TRDMT1: variants seen among roughly 807,000 people sequenced by gnomAD.
TRDMT1 encodes the protein tRNA (cytosine(38)-C(5))-methyltransferase.
Under a neutral mutation model 51.2 loss-of-function variants are expected in TRDMT1, and 49 were observed. The ratio of observed to expected loss-of-function variants is 0.96; its 90% CI spans 0.76 to 1.21. The LOEUF (loss-of-function observed/expected upper bound fraction) is 1.21. TRDMT1 is among the 50% of genes most tolerant of loss of function. The pLI, the probability that TRDMT1 is intolerant of heterozygous loss-of-function variation, is 0.00. For missense variants in TRDMT1, 534 were observed against 462.3 expected (o/e 1.16, Z -1.42); for synonymous variants, 187 against 164.6 (o/e 1.14, Z -1.04).
chr10:17,158,047 CAG>C lies in TRDMT1; in HGVS notation c.544-265_544-264del, dbSNP rs544317264. On this transcript the variant is annotated intron_variant, in intron 7 of 10. Coordinates refer to ENST00000377799, the MANE Select transcript of TRDMT1 (RefSeq NM_004412.7). ...TTAATAAAAACATTCAATAAACTAA[CAG>C]AAAGTATATACTGAATATAGATAAA... is the stretch of plus-strand genomic sequence containing the variant. 2.8e-3 allele frequency among the ~76,000 whole-genome samples: 421 copies of C among 152,060 alleles called. 1 individual carries two copies. Among genetic ancestry groups the C allele is most frequent in the Middle Eastern group, 0.01 (3 of 292 alleles).
At chr10:17,176,154 A>C (rs1414264152) in intron 1 of TRDMT1, among the ~76,000 whole-genome samples, 1 of 152,230 alleles carries the variant, frequency 6.6e-6, no homozygotes, top group Admixed American at 6.6e-5. Context: ...ATCATAATTC[A>C]AGTCAAGAAT....
chr10:17,157,321 C>A (rs746786400), intron 8 of TRDMT1, 120 bp downstream of exon 8: 1 of 995,746 alleles, frequency 1.0e-6, no homozygotes, highest in Non-Finnish European at 1.4e-6. Flanking sequence ...AGGGAAAATA[C>A]CTCATTCTAG....
At position 17,192,053 on chromosome 10, in the gene TRDMT1, G is replaced by A. The variant is rs537382876; in HGVS notation, c.64+9518C>T. Among the ~76,000 whole-genome samples the A allele has an allele frequency of 3.9e-5, 6 of 152,282 alleles. No individual in the cohort carries two copies. The East Asian group carries it at 1.2e-3, about 29-fold the overall frequency. ...AGCAGCCCCAGGCCAGGAGGCAGGT[G>A]GGGCCAAGCAAATCCGGGCAGCGCA... On this transcript the variant is annotated intron_variant, in intron 1 of 10. Transcript: ENST00000377799.
rs775174448 is a variant in TRDMT1, at chr10:17,144,941, C to T, written c.*4099G>A. ...AAGAACATGTGCAAGATGCTTAATG[C>T]CTTTTTAAAAAACATGCAAAGGGAG... On this transcript the variant is annotated 3_prime_UTR_variant, in exon 11 of 11. Transcript: ENST00000377799. 72 of 985,204 alleles carry T rather than the reference C, an allele frequency of 7.3e-5. No individual in the cohort carries two copies. The Middle Eastern group carries it at 1.6e-3, about 21-fold the overall frequency. The allele number at this position is 985,204 out of a possible 1,614,324, so 61.0% of individuals were successfully genotyped here.
At chr10:17,196,461 G>A (rs1352651099) in intron 1 of TRDMT1, among the ~76,000 whole-genome samples, 1 of 152,152 alleles carries the variant, frequency 6.6e-6, no homozygotes, top group Non-Finnish European at 1.5e-5. Context: ...TATATTTGCA[G>A]GTGACCTTGC....
Position 17,143,235 on chromosome 10 carries a change from T to A in TRDMT1, c.*5805A>T. 1 of 985,466 alleles carries A rather than the reference T, an allele frequency of 1.0e-6. No homozygotes were observed. The highest frequency in any genetic ancestry group is 1.2e-6 in the Non-Finnish European group (1 of 829,938). 61.0% of individuals were successfully genotyped at this position (985,466 alleles called of 1,614,324 possible). On this transcript the variant is annotated 3_prime_UTR_variant, in exon 11 of 11. Coordinates refer to ENST00000377799, the MANE Select transcript of TRDMT1 (RefSeq NM_004412.7). ...CAGTATGGTTCCTACATTCACTCAT[T>A]CAACAACTATTTATTGAGTGCTTAC... is the stretch of plus-strand genomic sequence containing the variant.
chr10:17,159,078 T>G (rs1465837494), intron 7 of TRDMT1, 68 bp downstream of exon 7: 2 of 1,070,628 alleles, frequency 1.9e-6, no homozygotes, highest in African/African-American at 1.6e-5. Flanking sequence ...TGAAAATAAA[T>G]TAGCAGACTA....
chr10:17,153,359 G>T, intron 10 of TRDMT1, 148 bp downstream of exon 10: 2 of 878,074 alleles, frequency 2.3e-6, no homozygotes, highest in South Asian at 3.6e-5. Flanking sequence ...GGGGAAAGAG[G>T]GCAGAAAGAT....
chr10:17,151,851 A>G lies in TRDMT1; in HGVS notation c.1075+1656T>C, dbSNP rs558199540. The stretch of plus-strand genomic sequence containing the variant: ...CTCATTTAACTATCACAATAACTCT[A>G]TGAAGCAGGAGTTATGATCATCCTC... On this transcript the variant is annotated intron_variant, in intron 10 of 10. Coordinates refer to ENST00000377799, the MANE Select transcript of TRDMT1 (RefSeq NM_004412.7). 7.3e-6 allele frequency: 7 copies of G among 952,818 alleles called. No homozygotes were observed. The South Asian group carries it at 1.5e-4, about 21-fold the overall frequency. 59.0% of individuals were successfully genotyped at this position (952,818 alleles called of 1,614,324 possible).
At chr10:17,178,529 AGCCAGG>A (rs1421291581) in intron 1 of TRDMT1, among the ~76,000 whole-genome samples, 1 of 152,062 alleles carries the variant, frequency 6.6e-6, no homozygotes, top group Admixed American at 6.5e-5. Context: ...TACAAAAATT[AGCCAGG>A]CATGGTGGCA....
Position 17,141,309 on chromosome 10 carries a change from G to GCC in TRDMT1, c.*7730_*7731insGG, listed in dbSNP as rs1425624653. Among the ~76,000 whole-genome samples, 233 of 152,196 alleles carry GCC rather than the reference G, an allele frequency of 1.5e-3. 1 individual carries two copies. The highest frequency in any genetic ancestry group is 5.3e-3 in the African/African-American group (221 of 41,532). ...CCCGAGTAGCTGGGACTACAGGCAT[G>GCC]CACCACCATGCCCGGCTAATTTTTT... On this transcript the variant is annotated 3_prime_UTR_variant, in exon 11 of 11. Coordinates refer to ENST00000377799, the MANE Select transcript of TRDMT1 (RefSeq NM_004412.7).
chr10:17,193,755 G>A (rs2131614324), intron 1 of TRDMT1, among the ~76,000 whole-genome samples: 1 of 152,218 alleles, frequency 6.6e-6, no homozygotes, highest in South Asian at 2.1e-4. Flanking sequence ...TACAGATTCA[G>A]TGCTATTCCT....
At position 17,146,059 on chromosome 10, in the gene TRDMT1, A is replaced by G. The variant is rs1838081607; in HGVS notation, c.*2981T>C. ...CTGCACTCATCTCTAACCCCATCCA[A>G]TTTTACATCCCACATGGTAGCAATA... On this transcript the variant is annotated 3_prime_UTR_variant, in exon 11 of 11. Transcript: ENST00000377799. 1 of 985,180 alleles carries G rather than the reference A, an allele frequency of 1.0e-6. No individual in the cohort carries two copies. The highest frequency in any genetic ancestry group is 1.2e-6 in the Non-Finnish European group (1 of 829,904). 61.0% of individuals were successfully genotyped at this position (985,180 alleles called of 1,614,324 possible).
Position 17,174,736 on chromosome 10 carries a change from T to G in TRDMT1, c.65-76A>C, listed in dbSNP as rs1204520389. 3.6e-6 allele frequency: 4 copies of G among 1,108,970 alleles called. No individual in the cohort carries two copies. In the East Asian group the frequency reaches 9.6e-5, roughly 27 times the overall value. The allele number at this position is 1,108,970 out of a possible 1,614,324, so 68.7% of individuals were successfully genotyped here. A position where few individuals can be genotyped will look rare whatever the true frequency, so the allele number is the denominator to read the frequency against. Reference sequence around the variant, plus strand: ...TAGAAAGAAATCAAAATAGCAGAATTTAGTAATCCATTTCCTTATTTCTTC... The same window carrying G: ...TAGAAAGAAATCAAAATAGCAGAATGTAGTAATCCATTTCCTTATTTCTTC... On this transcript the variant is annotated intron_variant, in intron 1 of 10. Transcript: ENST00000377799.
At chr10:17,186,236 C>T (rs1419143107) in intron 1 of TRDMT1, among the ~76,000 whole-genome samples, 1 of 151,928 alleles carries the variant, frequency 6.6e-6, no homozygotes, top group African/African-American at 2.4e-5. Flanking sequence ...AAATAATAAT[C>T]CCCAAAGATA....
At chr10:17,199,777 G>C (rs899983259) in intron 1 of TRDMT1, among the ~76,000 whole-genome samples, 6 of 152,202 alleles carry the variant, frequency 3.9e-5, no homozygotes, top group Non-Finnish European at 8.8e-5. Context: ...AAGGAGAGAA[G>C]CTGGGAAGCT....
At position 17,143,950 on chromosome 10, in the gene TRDMT1, T is replaced by C; in HGVS notation, c.*5090A>G. 1 of 985,428 alleles carries C rather than the reference T, an allele frequency of 1.0e-6. No homozygotes were observed. Among genetic ancestry groups the C allele is most frequent in the Non-Finnish European group, 1.2e-6 (1 of 829,940 alleles). 61.0% of individuals were successfully genotyped at this position (985,428 alleles called of 1,614,324 possible). Reference sequence around the variant, plus strand: ...ATCCGATACAACTTGAATAGCAAGATATCCAAGTTAAAAATGTCCCAGCAT... The same window carrying C: ...ATCCGATACAACTTGAATAGCAAGACATCCAAGTTAAAAATGTCCCAGCAT... On this transcript the variant is annotated 3_prime_UTR_variant, in exon 11 of 11. Coordinates refer to ENST00000377799, the MANE Select transcript of TRDMT1 (RefSeq NM_004412.7).
chr10:17,157,768 G>C lies in TRDMT1; in HGVS notation c.560C>G (p.Pro187Arg), dbSNP rs1588520112. 6.3e-7 allele frequency: 1 copy of C among 1,593,974 alleles called. No homozygotes were observed. Among genetic ancestry groups the C allele is most frequent in the Non-Finnish European group, 8.5e-7 (1 of 1,171,642 alleles). Residue 187 changes from proline to arginine, a missense_variant, in exon 8 of 11, where the codon CCC (proline) becomes CGC (arginine). Physicochemically the swap from Pro to Arg is moderately radical, Grantham distance 103. Coordinates refer to ENST00000377799, the MANE Select transcript of TRDMT1 (RefSeq NM_004412.7). ...TTGTGGATGTACAGATTCAATTTTG[G>C]GGAACTCCATCAGTACCTGGCATTA... Reference protein sequence around the residue: ...QAPGQVLMEFPKIESVHPQKY... With the variant: ...QAPGQVLMEFRKIESVHPQKY...
chr10:17,145,176 G>T lies in TRDMT1; in HGVS notation c.*3864C>A. 1.4e-6 allele frequency: 1 copy of T among 702,920 alleles called. No individual in the cohort carries two copies. The highest frequency in any genetic ancestry group is 1.7e-6 in the Non-Finnish European group (1 of 572,098). The allele number at this position is 702,920 out of a possible 1,614,324, so 43.5% of individuals were successfully genotyped here. ...GCAGGAAAATCACTTTAACCCAGGA[G>T]GGGGAGATTGCAGTGAGCCGAGATC... On this transcript the variant is annotated 3_prime_UTR_variant, in exon 11 of 11. Coordinates refer to ENST00000377799, the MANE Select transcript of TRDMT1 (RefSeq NM_004412.7).
Sources: gnomAD v4.1 joint callset for allele counts (sites outside exome capture counted in the v4.1 genomes callset) on GRCh38, gnomAD v4.1.1 for gene constraint, MANE v1.5 for transcripts, NCBI Gene and HGNC (gene_info 2026-07-23, HGNC 2026-07-21) for gene names.